Variants in LRRC4C observed in about 807,000 individuals in gnomAD.
LRRC4C encodes leucine-rich repeat-containing protein 4C.
Under a neutral mutation model 33.6 loss-of-function variants are expected in LRRC4C, and 5 were observed. That is an observed-to-expected ratio of 0.15 (90% CI 0.08 to 0.31). The LOEUF is 0.31. LRRC4C is among the 10% of genes least tolerant of loss of function. The pLI, the probability that LRRC4C is intolerant of heterozygous loss-of-function variation, is 1.00. For missense variants in LRRC4C, 560 were observed against 796.7 expected (o/e 0.70, Z 3.58); for synonymous variants, 329 against 302.0 (o/e 1.09, Z -0.93).
At chr11:40,205,181 G>A (rs954402553) in intron 5 of LRRC4C, among the ~76,000 whole-genome samples, 1 of 152,206 alleles carries the variant, frequency 6.6e-6, no homozygotes, top group Non-Finnish European at 1.5e-5. Flanking sequence ...GGGAGTGCCT[G>A]AAGATATAGT....
At chr11:40,266,973 A>T (rs903339447) in intron 4 of LRRC4C, among the ~76,000 whole-genome samples, 1 of 77,278 alleles carries the variant, frequency 1.3e-5, no homozygotes, top group African/African-American at 5.6e-5. Context: ...ACACACACAC[A>T]GTCTTTACTT....
At chr11:41,242,760 A>G (rs924886686) in intron 1 of LRRC4C, among the ~76,000 whole-genome samples, 8 of 152,200 alleles carry the variant, frequency 5.3e-5, no homozygotes, top group Admixed American at 5.2e-4. Context: ...TCTTACAGAT[A>G]AAGTCTTGGG....
intron 6 of LRRC4C, among the ~76,000 whole-genome samples, chr11:40,124,597 T>C (rs1856067349): frequency 6.6e-6 from 1 of 152,126 alleles, no homozygotes; most frequent in Non-Finnish European, 1.5e-5. Flanking sequence ...CTGTGAGAGC[T>C]AAAAAGTAAA....
At chr11:40,696,545 TC>T (rs932936232) in intron 2 of LRRC4C, among the ~76,000 whole-genome samples, 3 of 149,176 alleles carry the variant, frequency 2.0e-5, no homozygotes, top group African/African-American at 7.4e-5. Context: ...GTGGTATTTT[TC>T]TTTTTATTGA....
intron 1 of LRRC4C, among the ~76,000 whole-genome samples, chr11:40,944,932 G>A (rs1018019053): frequency 6.6e-6 from 1 of 151,536 alleles, no homozygotes. Flanking sequence ...GTATTCTCAT[G>A]CCACTATGCA....
At position 41,209,601 on chromosome 11, in the gene LRRC4C, C is replaced by T. The variant is rs565667847; in HGVS notation, c.-496+249830G>A. ...CTGAGGTTGCAGTGAGCTGAGATTGCACCACTGCACTCCAGCCTGGGCAAC... is the reference window on the plus strand; with the variant it reads ...CTGAGGTTGCAGTGAGCTGAGATTGTACCACTGCACTCCAGCCTGGGCAAC... On this transcript the variant is annotated intron_variant, in intron 1 of 6. Coordinates refer to ENST00000528697, the MANE Select transcript of LRRC4C (RefSeq NM_001258419.2). 1.1e-4 allele frequency among the ~76,000 whole-genome samples: 17 copies of T among 149,988 alleles called. No individual in the cohort carries two copies. In the East Asian group the frequency reaches 3.4e-3, roughly 30 times the overall value.
At chr11:41,015,928 T>C (rs559836717) in intron 1 of LRRC4C, among the ~76,000 whole-genome samples, 1 of 152,134 alleles carries the variant, frequency 6.6e-6, no homozygotes, top group South Asian at 2.1e-4. Context: ...AGGCGGAGCT[T>C]GCAGTGAGCC....
chr11:40,114,694 A>G lies in LRRC4C; in HGVS notation c.1599T>C (p.Phe533=). 1 of 1,614,208 alleles carries G rather than the reference A, an allele frequency of 6.2e-7. No homozygotes were observed. The highest frequency in any genetic ancestry group is 8.5e-7 in the Non-Finnish European group (1 of 1,180,030). ...CTGCAGCCATGAGTGTGATGGCCAC[A>G]AAACACCCAATGATGATTTTGGTAG... The part of the protein sequence containing the change: ...MKTTKIIIGC[F]VAITLMAAVM... Residue 533 remains phenylalanine, a synonymous_variant, in exon 7 of 7, where the codon TTT becomes TTC. Transcript: ENST00000528697.
chr11:40,688,840 G>A (rs1945091966), intron 2 of LRRC4C, among the ~76,000 whole-genome samples: 3 of 151,654 alleles, frequency 2.0e-5, no homozygotes, highest in African/African-American at 7.3e-5. Context: ...AAGAGAGCAA[G>A]CAATTTGAAC....
At chr11:40,599,116 TAGAC>T (rs769611286) in intron 3 of LRRC4C, among the ~76,000 whole-genome samples, 8 of 152,230 alleles carry the variant, frequency 5.3e-5, no homozygotes, top group East Asian at 1.9e-4. Flanking sequence ...GATCTTTACT[TAGAC>T]AGCCCTTCAT....
At chr11:41,056,777 G>T (rs997972378) in intron 1 of LRRC4C, among the ~76,000 whole-genome samples, 1 of 152,230 alleles carries the variant, frequency 6.6e-6, no homozygotes, top group African/African-American at 2.4e-5. Context: ...TGCTGACAAG[G>T]TTATGGAGAA....
intron 5 of LRRC4C, among the ~76,000 whole-genome samples, chr11:40,224,257 GT>G (rs938378332): frequency 6.6e-6 from 1 of 152,086 alleles, no homozygotes; most frequent in African/African-American, 2.4e-5. Flanking sequence ...TGTTGATCTG[GT>G]TTATATATAA....
chr11:41,063,051 C>G (rs1937914095), intron 1 of LRRC4C, among the ~76,000 whole-genome samples: 1 of 152,072 alleles, frequency 6.6e-6, no homozygotes. Flanking sequence ...TATGACAACC[C>G]TAGGCAACTA....
intron 3 of LRRC4C, among the ~76,000 whole-genome samples, chr11:40,476,624 G>A (rs1007152400): frequency 1.1e-4 from 17 of 152,090 alleles, no homozygotes; most frequent in African/African-American, 4.1e-4. Context: ...GATTACAGGC[G>A]TAAGCCACCA....
chr11:41,080,322 C>T (rs1939471447), intron 1 of LRRC4C, among the ~76,000 whole-genome samples: 1 of 150,938 alleles, frequency 6.6e-6, no homozygotes, highest in Non-Finnish European at 1.5e-5. Context: ...TGATGTTGAC[C>T]CAAATGTCAG....
At chr11:40,974,200 C>G (rs1851921714) in intron 1 of LRRC4C, among the ~76,000 whole-genome samples, 1 of 152,172 alleles carries the variant, frequency 6.6e-6, no homozygotes, top group Admixed American at 6.5e-5. Context: ...TATTCATCCA[C>G]TTAATTATTA....
chr11:40,952,890 ACACACACT>A (rs1160196169), intron 1 of LRRC4C, among the ~76,000 whole-genome samples: 206 of 50,436 alleles, frequency 4.1e-3, no homozygotes, highest in South Asian at 0.013. Context: ...ACACACACAC[ACACACACT>A]CTCTCTCTCT....
intron 1 of LRRC4C, among the ~76,000 whole-genome samples, chr11:41,423,601 G>A (rs1954943056): frequency 6.6e-6 from 1 of 152,028 alleles, no homozygotes; most frequent in Non-Finnish European, 1.5e-5. Context: ...CAGATGGTTT[G>A]AGAAAGAAAT....
At chr11:40,268,202 C>T (rs1258402764) in intron 4 of LRRC4C, among the ~76,000 whole-genome samples, 1 of 152,138 alleles carries the variant, frequency 6.6e-6, no homozygotes, top group African/African-American at 2.4e-5. Context: ...CCTTGAAATA[C>T]AAAATGTGCT....
Sources: allele counts gnomAD v4.1 joint callset (sites outside exome capture counted in the v4.1 genomes callset), GRCh38; gene constraint gnomAD v4.1.1; transcripts MANE v1.5; gene names NCBI Gene and HGNC (gene_info 2026-07-23, HGNC 2026-07-21).